Variants in PLCH1 observed in about 807,000 individuals in gnomAD.
PLCH1 encodes the protein 1-phosphatidylinositol 4,5-bisphosphate phosphodiesterase eta-1.
In PLCH1, 60 loss-of-function variants were observed where a neutral mutation model predicts 126.7. The ratio of observed to expected loss-of-function variants is 0.47; its 90% CI spans 0.38 to 0.59. PLCH1 has a LOEUF of 0.59. PLCH1 is among the 20% of genes least tolerant of loss of function. The probability of loss-of-function intolerance (pLI) is 0.00; values close to 1 mark genes in which losing one functional copy is unlikely to be tolerated. For synonymous variants in PLCH1, 719 were observed against 734.9 expected, an observed-to-expected ratio of 0.98 and a Z score of 0.35; for missense variants, 1,723 against 2,040.0, an observed-to-expected ratio of 0.84 and a Z score of 2.99.
chr3:155,495,097 GA>G (rs1454280576), intron 15 of PLCH1, among the ~76,000 whole-genome samples: 1 of 152,086 alleles, frequency 6.6e-6, no homozygotes, highest in African/African-American at 2.4e-5. Flanking sequence ...CTATTTGGGA[GA>G]AAGGAATAAT....
chr3:155,654,822 A>G (rs1741165849), intron 2 of PLCH1, among the ~76,000 whole-genome samples: 1 of 152,084 alleles, frequency 6.6e-6, no homozygotes, highest in Admixed American at 6.6e-5. Context: ...GAATCCTACC[A>G]TTGCCCCACT....
intron 2 of PLCH1, among the ~76,000 whole-genome samples, chr3:155,687,186 TGA>T (rs1745016872): frequency 6.6e-6 from 1 of 152,090 alleles, no homozygotes; most frequent in South Asian, 2.1e-4. Context: ...AATTTATCAA[TGA>T]GAGAAATAAT....
intron 12 of PLCH1, among the ~76,000 whole-genome samples, chr3:155,512,442 G>A (rs1451623409): frequency 6.6e-6 from 1 of 152,154 alleles, no homozygotes; most frequent in Non-Finnish European, 1.5e-5. Context: ...ACTATAATGG[G>A]GAAAGCTTAG....
rs753371351 is a variant in PLCH1, at chr3:155,482,187, T to A, written c.3839A>T (p.Asp1280Val). The A allele has an allele frequency of 2.5e-6, 4 of 1,614,066 alleles. No homozygotes were observed. The African/African-American group carries it at 5.3e-5, about 22-fold the overall frequency. The change falls in exon 23 of 23, where the codon GAT becomes GTT. Residue 1280 changes from aspartate (D) to valine (V), a missense_variant. Asp to Val is a radical substitution (Grantham distance 152). Transcript: ENST00000460012. ...CTTGGCCTTACTAGAAAGGTCATCA[T>A]CTGGTTTGGTTTTAGAGATGGGAGT... ...TCTPISKTKP[D>V]DDLSSKAKTA... is the part of the protein sequence containing the mutation.
At chr3:155,670,773 T>C (rs550728760) in intron 2 of PLCH1, among the ~76,000 whole-genome samples, 7 of 152,294 alleles carry the variant, frequency 4.6e-5, no homozygotes, top group Non-Finnish European at 1.0e-4. Flanking sequence ...CTCACCTTGC[T>C]CTTTAGATCC....
intron 13 of PLCH1, among the ~76,000 whole-genome samples, chr3:155,503,388 T>C (rs914334182): frequency 6.6e-6 from 1 of 152,228 alleles, no homozygotes; most frequent in Non-Finnish European, 1.5e-5. Flanking sequence ...TATTATTGCA[T>C]ATAGTTGTAA....
intron 2 of PLCH1, among the ~76,000 whole-genome samples, chr3:155,613,351 AC>A (rs1212005473): frequency 9.1e-6 from 1 of 109,988 alleles, no homozygotes; most frequent in Non-Finnish European, 1.7e-5. Flanking sequence ...AACACCAACA[AC>A]AAAAAAAAAC....
At chr3:155,679,865 C>G (rs1346568920) in intron 2 of PLCH1, among the ~76,000 whole-genome samples, 1 of 152,188 alleles carries the variant, frequency 6.6e-6, no homozygotes, top group Non-Finnish European at 1.5e-5. Flanking sequence ...TGTCCAAGAT[C>G]ACACGGCTGT....
At chr3:155,465,496 A>C (rs1208316595) in intron 21 of PLCH1, among the ~76,000 whole-genome samples, 1 of 152,076 alleles carries the variant, frequency 6.6e-6, no homozygotes, top group African/African-American at 2.4e-5. Flanking sequence ...GTATTATGTC[A>C]AGGGCCTTGG....
Position 155,565,027 on chromosome 3 carries a change from G to A in PLCH1, c.957C>T (p.Asn319=), listed in dbSNP as rs1728137463. The A allele has an allele frequency of 6.2e-7, 1 of 1,612,790 alleles. No individual in the cohort carries two copies. The highest frequency in any genetic ancestry group is 1.3e-5 in the African/African-American group (1 of 74,896). Residue 319 remains asparagine (N), a synonymous_variant, in exon 8 of 23, where the codon AAC becomes AAT. Transcript: ENST00000460012. ...TATTGTGAGAGGAAGCAATGTAGTA[G>A]TTGCAGAGGGGCTGATCCATGTCTT... is the stretch of plus-strand genomic sequence containing the variant. ...VYQDMDQPLC[N]YYIASSHNTY...
chr3:155,581,611 A>C (rs1730689500), intron 6 of PLCH1, among the ~76,000 whole-genome samples: 1 of 152,222 alleles, frequency 6.6e-6, no homozygotes, highest in Admixed American at 6.5e-5. Context: ...AAATCAATAG[A>C]GACAGAAATA....
At chr3:155,488,555 CAT>C in intron 20 of PLCH1, 103 bp downstream of exon 20, 1 of 979,480 alleles carries the variant, frequency 1.0e-6, no homozygotes, top group Non-Finnish European at 1.5e-6. Context: ...TTACATGACA[CAT>C]ATTTTATCAC....
At chr3:155,735,935 G>A (rs1250278290) in intron 1 of PLCH1, among the ~76,000 whole-genome samples, 1 of 152,118 alleles carries the variant, frequency 6.6e-6, no homozygotes, top group Admixed American at 6.5e-5. Context: ...CAGAGATGTG[G>A]GAGGTAATTT....
At chr3:155,526,045 C>T (rs559736862) in intron 10 of PLCH1, among the ~76,000 whole-genome samples, 10 of 152,256 alleles carry the variant, frequency 6.6e-5, no homozygotes, top group African/African-American at 2.4e-4. Context: ...AGGCTTTTTA[C>T]TACAGGCAGA....
At chr3:155,612,284 G>A (rs375450350) in intron 2 of PLCH1, among the ~76,000 whole-genome samples, 7 of 150,802 alleles carry the variant, frequency 4.6e-5, no homozygotes, top group Admixed American at 2.6e-4. Context: ...AGCCAAGATC[G>A]TGCCATTGCA....
intron 6 of PLCH1, among the ~76,000 whole-genome samples, chr3:155,570,065 T>C (rs1353503228): frequency 2.0e-5 from 3 of 152,164 alleles, no homozygotes; most frequent in African/African-American, 7.2e-5. Context: ...AAAAATAATC[T>C]ACTTTCTACC....
chr3:155,571,134 T>C (rs1052901869), intron 6 of PLCH1, among the ~76,000 whole-genome samples: 2 of 152,172 alleles, frequency 1.3e-5, no homozygotes, highest in African/African-American at 4.8e-5. Context: ...ACTTTCCCTG[T>C]GAATGAAAAT....
At chr3:155,464,684 C>T (rs1712864462) in intron 21 of PLCH1, among the ~76,000 whole-genome samples, 1 of 152,152 alleles carries the variant, frequency 6.6e-6, no homozygotes, top group Non-Finnish European at 1.5e-5. Context: ...TAAGTGAAAC[C>T]CTGATGAATC....
intron 2 of PLCH1, among the ~76,000 whole-genome samples, chr3:155,659,060 A>C (rs1577261258): frequency 6.6e-6 from 1 of 152,188 alleles, no homozygotes; most frequent in East Asian, 1.9e-4. Context: ...CTGCCACATC[A>C]TCACTGTTTG....
Sources: gnomAD v4.1 joint callset for allele counts (sites outside exome capture counted in the v4.1 genomes callset) on GRCh38, gnomAD v4.1.1 for gene constraint, MANE v1.5 for transcripts, NCBI Gene and HGNC (gene_info 2026-07-23, HGNC 2026-07-21) for gene names.